Variants in ZFHX3 observed in about 807,000 individuals in gnomAD.
ZFHX3 encodes the protein zinc finger homeobox 3.
A neutral mutation model predicts 279.1 loss-of-function variants in ZFHX3; 42 were observed. The observed-to-expected ratio is 0.15, with a 90% CI of 0.12 to 0.19. The LOEUF (loss-of-function observed/expected upper bound fraction) is 0.19. ZFHX3 is among the 10% of genes least tolerant of loss of function. ZFHX3 has a pLI of 1.00. For synonymous variants in ZFHX3, 2,293 were observed against 1,957.8 expected (o/e 1.17, Z -4.52); for missense variants, 4,981 against 4,754.0 (o/e 1.05, Z -1.40).
At chr16:73,819,747 A>T (rs1165162398) in intron 1 of ZFHX3, among the ~76,000 whole-genome samples, 1 of 152,144 alleles carries the variant, frequency 6.6e-6, no homozygotes, top group Non-Finnish European at 1.5e-5. Context: ...CTCCACAGGG[A>T]TGAGGGCTCA....
intron 2 of ZFHX3, among the ~76,000 whole-genome samples, chr16:73,599,241 A>T (rs920078791): frequency 6.6e-6 from 1 of 152,216 alleles, no homozygotes; most frequent in African/African-American, 2.4e-5. Flanking sequence ...GGGTGTCAGT[A>T]GAGGAGAGCC....
intron 2 of ZFHX3, among the ~76,000 whole-genome samples, chr16:73,542,339 C>T (rs1005369381): frequency 1.1e-4 from 17 of 152,018 alleles, no homozygotes; most frequent in Non-Finnish European, 1.6e-4. Flanking sequence ...GATGTCAGTG[C>T]GACCTGAGCA....
chr16:72,802,575 A>G (rs1017993634), intron 7 of ZFHX3, among the ~76,000 whole-genome samples: 3 of 152,196 alleles, frequency 2.0e-5, no homozygotes, highest in Non-Finnish European at 4.4e-5. Context: ...GGGGGTTGGT[A>G]TATGAAATTT....
chr16:72,823,882 T>A (rs944327127), intron 5 of ZFHX3, among the ~76,000 whole-genome samples: 1 of 152,216 alleles, frequency 6.6e-6, no homozygotes, highest in Non-Finnish European at 1.5e-5. Flanking sequence ...CTACGAGTCC[T>A]GTATTTTTCC....
chr16:73,053,422 A>G (rs1258369626), intron 1 of ZFHX3, among the ~76,000 whole-genome samples: 2 of 152,160 alleles, frequency 1.3e-5, no homozygotes, highest in African/African-American at 2.4e-5. Context: ...CACTAATGCC[A>G]GCTTCAGATT....
intron 5 of ZFHX3, among the ~76,000 whole-genome samples, chr16:73,191,235 G>A (rs1198719121): frequency 1.3e-5 from 2 of 152,132 alleles, no homozygotes; most frequent in Non-Finnish European, 2.9e-5. Context: ...CCACTGGTTT[G>A]TGGTAAGTAA....
chr16:73,522,364 A>G (rs990908278), intron 2 of ZFHX3, among the ~76,000 whole-genome samples: 1 of 152,190 alleles, frequency 6.6e-6, no homozygotes, highest in African/African-American at 2.4e-5. Context: ...GTTCAATTGG[A>G]TTCTGATTTC....
At chr16:72,790,916 C>G (rs950354928) in intron 9 of ZFHX3, 8 of 152,178 alleles carry the variant, frequency 5.3e-5, no homozygotes, top group African/African-American at 1.4e-4. Flanking sequence ...AACTGATGGT[C>G]TATATAAGAG....
chr16:73,322,263 A>T (rs1326845333), intron 3 of ZFHX3, among the ~76,000 whole-genome samples: 1 of 142,362 alleles, frequency 7.0e-6, no homozygotes, highest in African/African-American at 2.5e-5. Flanking sequence ...GAGAGAACGC[A>T]TTTGAATCTT....
At chr16:73,650,644 C>A (rs2052661845) in intron 2 of ZFHX3, among the ~76,000 whole-genome samples, 2 of 152,176 alleles carry the variant, frequency 1.3e-5, no homozygotes, top group African/African-American at 4.8e-5. Context: ...TGCCCTTCGA[C>A]ATTTTTTAAA....
At chr16:73,099,445 TCACACC>T (rs1266913335) in intron 7 of ZFHX3, 6 of 152,242 alleles carry the variant, frequency 3.9e-5, no homozygotes, top group African/African-American at 1.4e-4. Context: ...GCACAGTGGC[TCACACC>T]TGTAATCCCT....
chr16:73,636,627 C>A (rs1413431912), intron 2 of ZFHX3, among the ~76,000 whole-genome samples: 3 of 150,348 alleles, frequency 2.0e-5, no homozygotes, highest in African/African-American at 7.3e-5. Context: ...ATAACCAGTT[C>A]AAAAAAAAAT....
intron 1 of ZFHX3, among the ~76,000 whole-genome samples, chr16:73,709,337 G>A (rs1443668101): frequency 2.7e-5 from 3 of 109,564 alleles, no homozygotes; most frequent in African/African-American, 9.4e-5. Flanking sequence ...TGCACTCTAG[G>A]CTGTGTGACA....
At chr16:73,687,559 A>G (rs1384350603) in intron 1 of ZFHX3, among the ~76,000 whole-genome samples, 3 of 151,918 alleles carry the variant, frequency 2.0e-5, no homozygotes, top group Non-Finnish European at 2.9e-5. Flanking sequence ...TTTAGTAACT[A>G]TTGACCGGGT....
At chr16:73,000,203 C>T (rs1322154968) in intron 1 of ZFHX3, among the ~76,000 whole-genome samples, 2 of 152,182 alleles carry the variant, frequency 1.3e-5, no homozygotes, top group Non-Finnish European at 2.9e-5. Flanking sequence ...CCTCCCATCC[C>T]CCAGGGTCCC....
chr16:73,110,664 A>C (rs1401248235), intron 7 of ZFHX3, among the ~76,000 whole-genome samples: 1 of 152,020 alleles, frequency 6.6e-6, no homozygotes, highest in Non-Finnish European at 1.5e-5. Flanking sequence ...CCTGGGTCCA[A>C]ATGATCCTCC....
chr16:73,297,803 G>A (rs956868043), intron 4 of ZFHX3, among the ~76,000 whole-genome samples: 5 of 152,070 alleles, frequency 3.3e-5, no homozygotes, highest in Admixed American at 2.6e-4. Context: ...GTGTCTGTGC[G>A]ATAATAACCT....
chr16:73,278,668 T>C (rs2014372731), intron 4 of ZFHX3, among the ~76,000 whole-genome samples: 1 of 152,256 alleles, frequency 6.6e-6, no homozygotes. Context: ...TGCTCTTTTT[T>C]CAGTCCTCCC....
intron 4 of ZFHX3, among the ~76,000 whole-genome samples, chr16:73,306,056 G>C (rs563393991): frequency 1.3e-5 from 2 of 152,172 alleles, no homozygotes; most frequent in African/African-American, 4.8e-5. Flanking sequence ...CTCAGGTGAC[G>C]CTGACGCGAC....
Sources: allele counts gnomAD v4.1 joint callset (sites outside exome capture counted in the v4.1 genomes callset), GRCh38; gene constraint gnomAD v4.1.1; transcripts MANE v1.5; gene names NCBI Gene and HGNC (gene_info 2026-07-23, HGNC 2026-07-21).